CCDC141: variants seen among roughly 807,000 people sequenced by gnomAD.
CCDC141 encodes the protein coiled-coil domain containing 141.
A neutral mutation model predicts 181.0 loss-of-function variants in CCDC141; 168 were observed. That is an observed-to-expected ratio of 0.93 (90% CI 0.82 to 1.05). The LOEUF (loss-of-function observed/expected upper bound fraction) is 1.05, where lower values mean the gene tolerates loss of function less well. Ranked by LOEUF, CCDC141 falls within the 50% of genes least tolerant of loss-of-function variation. CCDC141 has a pLI of 0.00. For synonymous variants in CCDC141, 666 were observed against 642.3 expected (o/e 1.04, Z -0.56); for missense variants, 1,902 against 1,788.5 (o/e 1.06, Z -1.14).
At position 178,837,542 on chromosome 2, in the gene CCDC141, G is replaced by T; in HGVS notation, c.3677C>A (p.Pro1226His). 6.2e-7 allele frequency: 1 copy of T among 1,613,904 alleles called. No homozygotes were observed. The part of the protein sequence containing the change: ...LPPLPGSPES[P>H]LAPSDMEVEE... ...CACCTCCATGTCAGATGGTGCAAGA[G>T]GGGACTCAGGGCTTCCTGGGAGAGG... Residue 1226 changes from proline (P) to histidine (H), a missense_variant, in exon 23 of 24, where the codon CCT becomes CAT. By Grantham distance (77) the Pro-to-His change is moderately conservative (BLOSUM62 -2). Coordinates refer to ENST00000443758, the MANE Select transcript of CCDC141 (RefSeq NM_173648.4).
intron 2 of CCDC141, among the ~76,000 whole-genome samples, chr2:179,016,167 T>C (rs923953122): frequency 2.1e-5 from 3 of 139,996 alleles, no homozygotes; most frequent in Admixed American, 7.3e-5. Context: ...GGCATAAGAA[T>C]GAATACAATG....
At chr2:178,970,612 A>C (rs1690843125) in intron 4 of CCDC141, among the ~76,000 whole-genome samples, 1 of 152,200 alleles carries the variant, frequency 6.6e-6, no homozygotes. Context: ...CTTATATGAA[A>C]ATCAACTCAA....
Position 178,856,340 on chromosome 2 carries a change from T to C in CCDC141, c.2782A>G (p.Thr928Ala). Reference sequence around the variant, plus strand: ...TTCCGAGATTTTTCATTTTTCTTAGTGTAATTAAACTTCAAATTATTGAAT... The same window carrying C: ...TTCCGAGATTTTTCATTTTTCTTAGCGTAATTAAACTTCAAATTATTGAAT... ...KKFNNLKFNYTKKNEKSRNLK... is the reference protein window; with the variant it reads ...KKFNNLKFNYAKKNEKSRNLK... Residue 928 changes from threonine to alanine, a missense_variant, in exon 18 of 24, where the codon ACT (threonine) becomes GCT (alanine). Physicochemically the swap from Thr to Ala is moderately conservative, Grantham distance 58. Coordinates refer to ENST00000443758, the MANE Select transcript of CCDC141 (RefSeq NM_173648.4). 3 of 1,609,774 alleles carry C rather than the reference T, an allele frequency of 1.9e-6. No individual in the cohort carries two copies. The highest frequency in any genetic ancestry group is 2.2e-5 in the South Asian group (2 of 90,644).
intron 4 of CCDC141, among the ~76,000 whole-genome samples, chr2:178,970,951 T>A (rs1690858335): frequency 6.6e-6 from 1 of 152,224 alleles, no homozygotes; most frequent in Non-Finnish European, 1.5e-5. Context: ...GGCTCACGCC[T>A]GTAATCCCAG....
chr2:178,885,101 G>A lies in CCDC141; in HGVS notation c.1528-9C>T. ...AATTCATGTGATGTCTCCTGTAAAA[G>A]CAAAGCACTGGAGGTCAGAAACTGA... On this transcript the variant is annotated splice_polypyrimidine_tract_variant and intron_variant, in intron 10 of 23. Coordinates refer to ENST00000443758, the MANE Select transcript of CCDC141 (RefSeq NM_173648.4). 1 of 1,541,730 alleles carries A rather than the reference G, an allele frequency of 6.5e-7. No homozygotes were observed. The highest frequency in any genetic ancestry group is 8.8e-7 in the Non-Finnish European group (1 of 1,140,834).
At chr2:178,849,698 A>C (rs1685084152) in intron 21 of CCDC141, among the ~76,000 whole-genome samples, 4 of 152,168 alleles carry the variant, frequency 2.6e-5, no homozygotes, top group African/African-American at 7.2e-5. Flanking sequence ...GGAAAAAAAA[A>C]CCCTGGCATC....
intron 21 of CCDC141, among the ~76,000 whole-genome samples, chr2:178,847,335 G>T (rs1196400871): frequency 6.6e-6 from 1 of 152,122 alleles, no homozygotes; most frequent in Non-Finnish European, 1.5e-5. Context: ...TTTGAGACCA[G>T]CTTGGGCAAC....
At position 178,855,489 on chromosome 2, in the gene CCDC141, A is replaced by C; in HGVS notation, c.2918T>G (p.Leu973Ter). Residue 973 changes from leucine (L) to a stop codon, truncating the protein, a stop_gained, in exon 19 of 24, where the codon TTA becomes TGA. Transcript: ENST00000443758. LOFTEE classifies it high-confidence loss of function. ...KVSNKTSDSF[L>*]NYPSDKVNVL... ...ATTAACTTTATCACTTGGATAATTT[A>C]AGAAAGAATCAGAGGTTTTATTACT... 1 of 1,607,426 alleles carries C rather than the reference A, an allele frequency of 6.2e-7. No individual in the cohort carries two copies. Among genetic ancestry groups the C allele is most frequent in the Non-Finnish European group, 8.5e-7 (1 of 1,177,740 alleles).
chr2:179,008,830 T>A (rs1355717424), intron 2 of CCDC141, among the ~76,000 whole-genome samples: 1 of 152,198 alleles, frequency 6.6e-6, no homozygotes, highest in Admixed American at 6.5e-5. Flanking sequence ...TAACTTTAGA[T>A]GTTCTCTCTA....
At chr2:178,973,629 TC>T (rs1484355564) in intron 4 of CCDC141, among the ~76,000 whole-genome samples, 1 of 151,894 alleles carries the variant, frequency 6.6e-6, no homozygotes, top group Non-Finnish European at 1.5e-5. Flanking sequence ...AAGACTACAT[TC>T]CCCCTGCCAG....
intron 4 of CCDC141, among the ~76,000 whole-genome samples, chr2:178,966,654 C>T (rs749072014): frequency 6.6e-6 from 1 of 152,008 alleles, no homozygotes; most frequent in Non-Finnish European, 1.5e-5. Context: ...AAAACCAGTG[C>T]GAAAAGGCTG....
At chr2:178,886,066 G>T (rs560815208) in intron 10 of CCDC141, among the ~76,000 whole-genome samples, 2 of 152,270 alleles carry the variant, frequency 1.3e-5, no homozygotes, top group African/African-American at 4.8e-5. Flanking sequence ...ACAAAAAAAT[G>T]GGTGTGTTTG....
At chr2:178,853,409 C>G in intron 20 of CCDC141, 32 bp downstream of exon 20, 1 of 1,601,424 alleles carries the variant, frequency 6.2e-7, no homozygotes, top group Non-Finnish European at 8.5e-7. Context: ...TGTTCAATGG[C>G]CAATCACTGG....
chr2:178,936,930 T>G (rs1390722616), intron 6 of CCDC141, among the ~76,000 whole-genome samples: 2 of 152,200 alleles, frequency 1.3e-5, no homozygotes, highest in Non-Finnish European at 2.9e-5. Flanking sequence ...GCTAATTATT[T>G]CTGTACATTG....
chr2:178,920,592 G>A (rs963050732), intron 6 of CCDC141, among the ~76,000 whole-genome samples: 6 of 151,994 alleles, frequency 3.9e-5, no homozygotes, highest in East Asian at 1.9e-4. Flanking sequence ...GCATAGTGGC[G>A]CATGCTTGTA....
chr2:178,949,550 T>G (rs943035811), intron 5 of CCDC141, among the ~76,000 whole-genome samples: 2 of 152,216 alleles, frequency 1.3e-5, no homozygotes, highest in African/African-American at 4.8e-5. Context: ...GAGAAATGGT[T>G]CTCATTAGGC....
chr2:178,932,204 A>T (rs1215319106), intron 6 of CCDC141, among the ~76,000 whole-genome samples: 2 of 152,058 alleles, frequency 1.3e-5, no homozygotes, highest in Non-Finnish European at 2.9e-5. Flanking sequence ...TGCACACAAA[A>T]CTGTTATATA....
intron 22 of CCDC141, among the ~76,000 whole-genome samples, chr2:178,844,885 G>T (rs1376479563): frequency 1.3e-5 from 2 of 152,170 alleles, no homozygotes; most frequent in African/African-American, 4.8e-5. Flanking sequence ...CAGGCAACTT[G>T]GCAAAGCAAA....
In CCDC141 at chr2:178,861,636, A is replaced by T. The variant is rs1178586004; in HGVS notation, c.2724+4131T>A. On this transcript the variant is annotated intron_variant, in intron 17 of 23. Transcript: ENST00000443758. Reference sequence around the variant, plus strand: ...GGGCGACAGAGTGAGACTCAGTCTCAAAAAAAAAAAAAAAAAAGTTTTTTT... The same window carrying T: ...GGGCGACAGAGTGAGACTCAGTCTCTAAAAAAAAAAAAAAAAAGTTTTTTT... Among the ~76,000 whole-genome samples the T allele has an allele frequency of 2.1e-4, 12 of 56,704 alleles. No individual in the cohort carries two copies. The South Asian group carries it at 3.9e-3, about 19-fold the overall frequency. The allele number at this position is 56,704 out of a possible 152,430, so 37.2% of individuals were successfully genotyped here.
Sources: allele counts gnomAD v4.1 joint callset (sites outside exome capture counted in the v4.1 genomes callset), GRCh38; gene constraint gnomAD v4.1.1; transcripts MANE v1.5; gene names NCBI Gene and HGNC (gene_info 2026-07-23, HGNC 2026-07-21).